Variants in RABGAP1 observed in about 807,000 individuals in gnomAD.
The protein encoded by RABGAP1 is rab GTPase-activating protein 1.
A neutral mutation model predicts 137.6 loss-of-function variants in RABGAP1; 23 were observed. The observed-to-expected ratio is 0.17, with a 90% CI of 0.12 to 0.24. The LOEUF (loss-of-function observed/expected upper bound fraction) is 0.24. Among genes scored for constraint, RABGAP1 ranks in the 10% least tolerant of loss-of-function variants. RABGAP1 has a pLI of 1.00. For synonymous variants in RABGAP1, 451 were observed against 450.7 expected (o/e 1.00, Z -0.01); for missense variants, 906 against 1,275.8 (o/e 0.71, Z 4.42).
chr9:123,036,081 G>A (rs1015529711), intron 13 of RABGAP1, among the ~76,000 whole-genome samples: 1 of 152,160 alleles, frequency 6.6e-6, no homozygotes, highest in African/African-American at 2.4e-5. Flanking sequence ...AAATGAAAAG[G>A]TTTTAGAAAT....
Position 122,974,001 on chromosome 9 carries a change from G to A in RABGAP1, c.151-10484G>A, listed in dbSNP as rs552470190. 4.1e-5 allele frequency among the ~76,000 whole-genome samples: 6 copies of A among 144,864 alleles called. No homozygotes were observed. In the South Asian group the frequency reaches 6.7e-4, roughly 16 times the overall value. ...CAGCCTGGGCGACGAGCGAAACTTC[G>A]TCTCAAACCAAAAAAAAAAAAGAAA... On this transcript the variant is annotated intron_variant, in intron 2 of 25. Transcript: ENST00000373647.
At chr9:123,069,923 A>G (rs1245810970) in intron 14 of RABGAP1, among the ~76,000 whole-genome samples, 26 of 152,272 alleles carry the variant, frequency 1.7e-4, no homozygotes, top group Non-Finnish European at 4.4e-5. Flanking sequence ...TAATATAATA[A>G]TAACCATGCA....
intron 19 of RABGAP1, among the ~76,000 whole-genome samples, chr9:123,089,048 T>C (rs1242509395): frequency 6.7e-6 from 1 of 148,950 alleles, no homozygotes; most frequent in Non-Finnish European, 1.5e-5. Context: ...AGGCCTGTGG[T>C]TTGCAATGGT....
At chr9:123,020,575 A>G in intron 13 of RABGAP1, 116 bp downstream of exon 13, 1 of 1,057,834 alleles carries the variant, frequency 9.5e-7, no homozygotes, top group Non-Finnish European at 1.2e-6. Context: ...TTAAGAATAG[A>G]ACTGTTAATA....
At chr9:123,034,863 C>T (rs1268762937) in intron 13 of RABGAP1, 1 of 1,614,000 alleles carries the variant, frequency 6.2e-7, no homozygotes, top group Admixed American at 1.7e-5. Flanking sequence ...TAGAGGAGTC[C>T]TTGACTTGCC....
chr9:123,020,303 T>A lies in RABGAP1; in HGVS notation c.1644-6T>A. Reference sequence around the variant, plus strand: ...TATGATTTATGGTTTATGGCCTTATTTTTAGGCATCTCAACTTGAATGTGA... The same window carrying A: ...TATGATTTATGGTTTATGGCCTTATATTTAGGCATCTCAACTTGAATGTGA... On this transcript the variant is annotated splice_polypyrimidine_tract_variant and splice_region_variant and intron_variant, in intron 12 of 25. Coordinates refer to ENST00000373647, the MANE Select transcript of RABGAP1 (RefSeq NM_012197.4). 1.3e-6 allele frequency: 2 copies of A among 1,530,512 alleles called. No individual in the cohort carries two copies. The highest frequency in any genetic ancestry group is 1.8e-6 in the Non-Finnish European group (2 of 1,130,810). The allele number at this position is 1,530,512 out of a possible 1,614,324, so 94.8% of individuals were successfully genotyped here. A position where few individuals can be genotyped will look rare whatever the true frequency, so the allele number is the denominator to read the frequency against.
At chr9:123,035,638 CCGTGTGTGTGTGTGTG>C in intron 13 of RABGAP1, 1 of 1,159,200 alleles carries the variant, frequency 8.6e-7, no homozygotes, top group Non-Finnish European at 1.2e-6. Flanking sequence ...TACGGGGTTC[CCGTGTGTGTGTGTGTG>C]TGTGTGTGTG....
chr9:122,941,506 A>T (rs1833565376), intron 1 of RABGAP1, among the ~76,000 whole-genome samples: 1 of 152,032 alleles, frequency 6.6e-6, no homozygotes, highest in Admixed American at 6.5e-5. Context: ...CCCATTGCTC[A>T]CTAGGCCTGT....
Position 123,090,305 on chromosome 9 carries a change from A to G in RABGAP1, c.2548A>G (p.Met850Val), listed in dbSNP as rs776337708. The part of the protein sequence containing the change: ...RENRRLQEAN[M>V]RLEQENDDLA... ...GAATAGGCGTCTACAAGAAGCTAACATGAGGTTGGAACAGGAAAACGATGA... is the reference window on the plus strand; with the variant it reads ...GAATAGGCGTCTACAAGAAGCTAACGTGAGGTTGGAACAGGAAAACGATGA... The change falls in exon 21 of 26, where the codon ATG (methionine) becomes GTG (valine). Residue 850 changes from methionine (M) to valine (V), a missense_variant. By Grantham distance (21) the Met-to-Val change is conservative (BLOSUM62 1). This residue lies in a region of RABGAP1 where 77 missense variants were observed against 105.6 expected (regional missense o/e 0.73). Transcript: ENST00000373647. 3.1e-6 allele frequency: 5 copies of G among 1,613,284 alleles called. No individual in the cohort carries two copies. The highest frequency in any genetic ancestry group is 3.3e-5 in the Admixed American group (2 of 59,908).
intron 13 of RABGAP1, among the ~76,000 whole-genome samples, chr9:123,065,065 C>G (rs1307391058): frequency 6.6e-6 from 1 of 152,154 alleles, no homozygotes; most frequent in African/African-American, 2.4e-5. Context: ...TTCCATCTTA[C>G]AATAGAAGGG....
intron 2 of RABGAP1, among the ~76,000 whole-genome samples, chr9:122,971,456 ATTAT>A (rs1835469551): frequency 6.6e-6 from 1 of 152,216 alleles, no homozygotes; most frequent in African/African-American, 2.4e-5. Flanking sequence ...TATACAAAGA[ATTAT>A]TTATTATGAG....
chr9:122,989,638 T>G (rs939003973), intron 5 of RABGAP1, 167 bp downstream of exon 5: 8 of 721,428 alleles, frequency 1.1e-5, no homozygotes, highest in African/African-American at 7.1e-5. Flanking sequence ...AACTAAAAAT[T>G]TGATTAACTA....
At position 123,103,015 on chromosome 9, in the gene RABGAP1, G is replaced by C. The variant is rs1222343706; in HGVS notation, c.3088-76G>C. The C allele has an allele frequency of 6.5e-6, 10 of 1,542,918 alleles. No individual in the cohort carries two copies. The Admixed American group carries it at 1.8e-4, about 27-fold the overall frequency. On this transcript the variant is annotated intron_variant, in intron 25 of 25. Transcript: ENST00000373647. ...TCCAGAGTAAATAGACTGCATTCTT[G>C]TCTTGGTTCTCCTCTGGGGAGCCAG... is the stretch of plus-strand genomic sequence containing the variant.
At chr9:123,054,412 G>T (rs1343570418) in intron 13 of RABGAP1, among the ~76,000 whole-genome samples, 5 of 152,196 alleles carry the variant, frequency 3.3e-5, no homozygotes, top group Non-Finnish European at 7.3e-5. Context: ...GAATAAGGAA[G>T]TAATTAACCT....
At chr9:122,932,363 A>G in the RABGAP1 span, among the ~76,000 whole-genome samples, 1 of 152,158 alleles carries the variant, frequency 6.6e-6, no homozygotes, top group African/African-American at 2.4e-5. Context: ...CTGGGATTAC[A>G]TGTGTGAGCC....
intron 13 of RABGAP1, among the ~76,000 whole-genome samples, chr9:123,032,454 T>G (rs1232423005): frequency 1.7e-4 from 26 of 152,194 alleles, no homozygotes; most frequent in Admixed American, 1.7e-3. Context: ...TTAAATAGGT[T>G]TTTTATTTTG....
At chr9:123,006,606 T>C (rs1343033796) in intron 10 of RABGAP1, among the ~76,000 whole-genome samples, 1 of 152,066 alleles carries the variant, frequency 6.6e-6, no homozygotes, top group Non-Finnish European at 1.5e-5. Context: ...GACTTTATTT[T>C]TATTTATTTA....
At chr9:122,957,775 C>T (rs570722026) in intron 2 of RABGAP1, among the ~76,000 whole-genome samples, 1 of 152,080 alleles carries the variant, frequency 6.6e-6, no homozygotes, top group South Asian at 2.1e-4. Flanking sequence ...TCTTTTCTTG[C>T]AACAAATGTT....
intron 2 of RABGAP1, among the ~76,000 whole-genome samples, chr9:122,957,859 TC>T (rs1834614664): frequency 6.6e-6 from 1 of 151,720 alleles, no homozygotes; most frequent in Non-Finnish European, 1.5e-5. Flanking sequence ...CAGGCAAAAC[TC>T]CCTGCCCTTC....
Sources: gnomAD v4.1 joint callset for allele counts (sites outside exome capture counted in the v4.1 genomes callset) on GRCh38, gnomAD v4.1.1 for gene constraint, gnomAD v4.1.1 regional missense constraint, MANE v1.5 for transcripts, NCBI Gene and HGNC (gene_info 2026-07-23, HGNC 2026-07-21) for gene names.